Variants in EPRS1 observed in about 807,000 individuals in gnomAD.
EPRS1 encodes the protein glutamyl-prolyl-tRNA synthetase 1, also known as bifunctional glutamate/proline--tRNA ligase.
Under a neutral mutation model 188.3 loss-of-function variants are expected in EPRS1, and 107 were observed. The observed-to-expected ratio is 0.57, with a 90% confidence interval of 0.49 to 0.67. The LOEUF is 0.67. Among genes scored for constraint, EPRS1 ranks in the 30% least tolerant of loss-of-function variants. The pLI is 0.00. For synonymous variants in EPRS1, 596 were observed against 593.1 expected (o/e 1.00, Z -0.07); for missense variants, 1,577 against 1,802.2 (o/e 0.88, Z 2.26).
intron 12 of EPRS1, among the ~76,000 whole-genome samples, chr1:220,013,295 A>T (rs1027888586): frequency 1.3e-5 from 2 of 152,236 alleles, no homozygotes; most frequent in Middle Eastern, 3.2e-3. Flanking sequence ...AGAAAAATAA[A>T]GTACTAGTTT....
chr1:220,018,590 G>GAAAA (rs35962858), intron 11 of EPRS1, 82 bp from the exon 12 acceptor site: 312 of 614,626 alleles, frequency 5.1e-4, no homozygotes, highest in East Asian at 7.3e-4. Context: ...AGCATGTTTA[G>GAAAA]AAAAAAAAAA....
chr1:220,001,092 T>C (rs757822654), intron 17 of EPRS1, 46 bp downstream of exon 17: 50 of 1,033,538 alleles, frequency 4.8e-5, no homozygotes, highest in Non-Finnish European at 5.2e-5. Context: ...AACCCTGGGA[T>C]AGAAAGACCA....
Position 219,978,576 on chromosome 1 carries a change from T to C in EPRS1, c.4053A>G (p.Pro1351=), listed in dbSNP as rs1264553881. The C allele has an allele frequency of 1.9e-6, 3 of 1,585,990 alleles. No homozygotes were observed. The African/African-American group carries it at 4.1e-5, about 21-fold the overall frequency. ...VRADLRDNYS[P]GWKFNHWELK... ...GCTCCCAGTGATTGAATTTCCAACC[T>C]GGAGAATAATTATCTCGTAAATCAG... The change falls in exon 28 of 32, where the codon CCA becomes CCG. Residue 1351 remains proline (P), a synonymous_variant. Transcript: ENST00000366923.
At chr1:220,016,621 G>A (rs1173149123) in intron 12 of EPRS1, among the ~76,000 whole-genome samples, 1 of 105,136 alleles carries the variant, frequency 9.5e-6, no homozygotes, top group African/African-American at 3.7e-5. Context: ...GTATCACTAT[G>A]TTGTCTAGGC....
At chr1:220,030,856 C>T (rs1438526314) in intron 5 of EPRS1, among the ~76,000 whole-genome samples, 1 of 152,070 alleles carries the variant, frequency 6.6e-6, no homozygotes. Context: ...CTTTGGGAGG[C>T]CGAGGATGGC....
rs140545456 is a variant in EPRS1, at chr1:220,033,484, A to T, written c.388+18T>A. The stretch of plus-strand genomic sequence containing the variant: ...TATTAAACGATTAAAACAGAGGATT[A>T]TTAAGAATTATTGATACCTTTTAGG... On this transcript the variant is annotated intron_variant, in intron 4 of 31. Coordinates refer to ENST00000366923, the MANE Select transcript of EPRS1 (RefSeq NM_004446.3). The T allele has an allele frequency of 3.2e-6, 5 of 1,558,166 alleles. No homozygotes were observed. The African/African-American group carries it at 6.9e-5, about 22-fold the overall frequency.
Position 220,003,876 on chromosome 1 carries a change from G to A in EPRS1, c.2063+1372C>T, listed in dbSNP as rs569225387. On this transcript the variant is annotated intron_variant, in intron 16 of 31. Transcript: ENST00000366923. ...AGGCCATTCCAGGAAAAGGCATCAA[G>A]TGCTTTTGAAAAGCCCCAGGCAATT... Among the ~76,000 whole-genome samples, 42 of 152,294 alleles carry A rather than the reference G, an allele frequency of 2.8e-4. 1 individual carries two copies. Among genetic ancestry groups the A allele is most frequent in the Admixed American group, 2.7e-3 (42 of 15,300 alleles).
At chr1:220,038,580 T>C (rs1662233171) in intron 2 of EPRS1, among the ~76,000 whole-genome samples, 1 of 151,560 alleles carries the variant, frequency 6.6e-6, no homozygotes, top group Admixed American at 6.6e-5. Context: ...GATTTTACTA[T>C]GTTGCCCAGG....
intron 30 of EPRS1, among the ~76,000 whole-genome samples, chr1:219,971,795 T>TACACAC (rs1553317952): frequency 2.8e-5 from 3 of 108,400 alleles, no homozygotes; most frequent in Non-Finnish European, 4.0e-5. Flanking sequence ...TATATATATA[T>TACACAC]ACATATACAC....
In EPRS1 at chr1:220,001,262, A is replaced by G. The variant is rs762270065; in HGVS notation, c.2064-7T>C. On this transcript the variant is annotated splice_polypyrimidine_tract_variant and splice_region_variant and intron_variant, in intron 16 of 31. Transcript: ENST00000366923. ...TTCCTTGCAACTATATGGGCTAAAA[A>G]GAAAATAAAGGGACAAAATAGTTTA... The G allele has an allele frequency of 1.3e-6, 2 of 1,522,106 alleles. No individual in the cohort carries two copies. The highest frequency in any genetic ancestry group is 1.1e-5 in the South Asian group (1 of 89,156). The allele number at this position is 1,522,106 out of a possible 1,614,324, so 94.3% of individuals were successfully genotyped here.
chr1:220,040,115 G>C (rs1014431335), intron 2 of EPRS1, 70 bp downstream of exon 2: 4 of 993,488 alleles, frequency 4.0e-6, no homozygotes, highest in Non-Finnish European at 6.2e-6. Flanking sequence ...GGGAGACTCT[G>C]TCTCTAAAAA....
intron 18 of EPRS1, among the ~76,000 whole-genome samples, chr1:219,995,622 T>C (rs1439925926): frequency 9.9e-5 from 15 of 152,214 alleles, no homozygotes. Flanking sequence ...CTATTTAGGC[T>C]GCTGCAAAAG....
Position 219,998,741 on chromosome 1 carries a change from C to T in EPRS1, c.2182-1399G>A, listed in dbSNP as rs1661285541. 3.3e-5 allele frequency among the ~76,000 whole-genome samples: 5 copies of T among 151,942 alleles called. No individual in the cohort carries two copies. In the South Asian group the frequency reaches 1.0e-3, roughly 32 times the overall value. On this transcript the variant is annotated intron_variant, in intron 17 of 31. Transcript: ENST00000366923. ...CATTTTTAGTACAGACAGGGTTTCA[C>T]CATGTTGGCCAGGATGGTCTCAATC...
rs71169429 is a variant in EPRS1, at chr1:220,020,824, T to TTATATA, written c.1116-609_1116-604dup. ...ATTTACATGCAGTATCAATTTGAATTTATATATATATATATATATATATAT... is the reference window on the plus strand; with the variant it reads ...ATTTACATGCAGTATCAATTTGAATTTATATATATATATATATATATATATATATAT... On this transcript the variant is annotated intron_variant, in intron 9 of 31. Coordinates refer to ENST00000366923, the MANE Select transcript of EPRS1 (RefSeq NM_004446.3). Among the ~76,000 whole-genome samples the TTATATA allele has an allele frequency of 2.4e-3, 258 of 109,168 alleles. 1 individual carries two copies. The highest frequency in any genetic ancestry group is 2.9e-3 in the Non-Finnish European group (155 of 54,296). 71.6% of individuals were successfully genotyped at this position (109,168 alleles called of 152,430 possible).
At chr1:219,988,569 T>G (rs746872791) in intron 19 of EPRS1, 21 bp downstream of exon 19, 2 of 1,520,108 alleles carry the variant, frequency 1.3e-6, no homozygotes, top group South Asian at 2.3e-5. Context: ...CAAAAGCATA[T>G]AAACAAAATA....
intron 30 of EPRS1, 103 bp from the exon 31 acceptor site, chr1:219,969,225 A>G (rs1660621515): frequency 1.2e-6 from 1 of 806,114 alleles, no homozygotes; most frequent in Admixed American, 2.2e-5. Context: ...CAAAAAGGAT[A>G]GGTCTCCCAA....
chr1:220,009,360 A>G (rs1258669579), intron 13 of EPRS1, among the ~76,000 whole-genome samples: 1 of 152,222 alleles, frequency 6.6e-6, no homozygotes, highest in Non-Finnish European at 1.5e-5. Flanking sequence ...GGCTACTAGT[A>G]TATGCGTTAG....
intron 17 of EPRS1, among the ~76,000 whole-genome samples, chr1:220,000,537 G>A (rs1661330408): frequency 6.6e-6 from 1 of 151,680 alleles, no homozygotes; most frequent in Non-Finnish European, 1.5e-5. Flanking sequence ...TTTTTATTTT[G>A]GAAAATTTTT....
At chr1:220,008,253 G>T (rs1396764825) in intron 13 of EPRS1, among the ~76,000 whole-genome samples, 1 of 151,966 alleles carries the variant, frequency 6.6e-6, no homozygotes, top group Non-Finnish European at 1.5e-5. Context: ...GGACCTTTCA[G>T]ATTTTAGAAG....
Sources: allele counts gnomAD v4.1 joint callset (sites outside exome capture counted in the v4.1 genomes callset), GRCh38; gene constraint gnomAD v4.1.1; transcripts MANE v1.5; gene names NCBI Gene and HGNC (gene_info 2026-07-23, HGNC 2026-07-21).